Variants in GFRA1 observed in about 807,000 individuals in gnomAD.
GFRA1 encodes the protein GDNF family receptor alpha-1.
A neutral mutation model predicts 51.6 loss-of-function variants in GFRA1; 16 were observed. The observed-to-expected ratio is 0.31, with a 90% confidence interval of 0.21 to 0.47. The LOEUF (loss-of-function observed/expected upper bound fraction) is 0.47. GFRA1 is among the 20% of genes least tolerant of loss of function. The pLI is 1.00. For synonymous variants in GFRA1, 270 were observed against 241.3 expected, an observed-to-expected ratio of 1.12 and a Z score of -1.10; for missense variants, 530 against 594.3, an observed-to-expected ratio of 0.89 and a Z score of 1.13.
chr10:116,206,622 C>T (rs1407704933), intron 5 of GFRA1, among the ~76,000 whole-genome samples: 4 of 84,494 alleles, frequency 4.7e-5, no homozygotes, highest in South Asian at 4.8e-4. Flanking sequence ...ACCACATTCT[C>T]TTTTTTTTTT....
intron 4 of GFRA1, among the ~76,000 whole-genome samples, chr10:116,251,276 G>A (rs1486804619): frequency 2.6e-5 from 4 of 151,580 alleles, no homozygotes; most frequent in African/African-American, 4.9e-5. Context: ...TTGATGGACC[G>A]AAGGAAGAAG....
At chr10:116,108,669 G>A (rs1016713159) in intron 6 of GFRA1, among the ~76,000 whole-genome samples, 3 of 152,226 alleles carry the variant, frequency 2.0e-5, no homozygotes, top group Admixed American at 6.5e-5. Flanking sequence ...ACCCATTCAC[G>A]GTGATCTCAA....
chr10:116,071,443 T>C (rs1002519503), intron 9 of GFRA1, among the ~76,000 whole-genome samples: 1 of 152,252 alleles, frequency 6.6e-6, no homozygotes, highest in Non-Finnish European at 1.5e-5. Flanking sequence ...GCAGTCATAC[T>C]TCCTTATTTG....
intron 5 of GFRA1, among the ~76,000 whole-genome samples, chr10:116,161,444 G>A (rs1476876856): frequency 6.6e-6 from 1 of 152,188 alleles, no homozygotes; most frequent in Non-Finnish European, 1.5e-5. Flanking sequence ...GAAGCTTCTT[G>A]CATCAGAAAG....
chr10:116,099,949 G>T (rs1379130462), intron 6 of GFRA1, among the ~76,000 whole-genome samples: 1 of 152,192 alleles, frequency 6.6e-6, no homozygotes, highest in Non-Finnish European at 1.5e-5. Context: ...TAATTCTGTA[G>T]TCAAGGAAAC....
At chr10:116,116,828 T>TA (rs1173021898) in intron 6 of GFRA1, among the ~76,000 whole-genome samples, 6 of 152,198 alleles carry the variant, frequency 3.9e-5, no homozygotes, top group Non-Finnish European at 7.3e-5. Flanking sequence ...TAAACGATGC[T>TA]AAGAGGCTCT....
intron 6 of GFRA1, 107 bp downstream of exon 6, chr10:116,125,114 C>T (rs1167020762): frequency 1.0e-6 from 1 of 964,762 alleles, no homozygotes; most frequent in Non-Finnish European, 1.6e-6. Flanking sequence ...GGCTCCCCTC[C>T]CTCCTCTACC....
At chr10:116,081,998 A>G (rs767402801) in intron 9 of GFRA1, among the ~76,000 whole-genome samples, 87 of 152,298 alleles carry the variant, frequency 5.7e-4, no homozygotes, top group Non-Finnish European at 3.5e-4. Flanking sequence ...AAATAATAGG[A>G]TCAGTGGAGT....
chr10:116,096,852 T>C (rs1201221061), intron 6 of GFRA1, 88 bp from the exon 7 acceptor site: 11 of 733,390 alleles, frequency 1.5e-5, no homozygotes, highest in African/African-American at 1.2e-4. Flanking sequence ...TATTCCTTTG[T>C]TGATATGCCT....
rs147623245 is a variant in GFRA1 at position 116,070,001 on chromosome 10, G to A, written c.1198-4375C>T. Among the ~76,000 whole-genome samples, 594 of 152,268 alleles carry A rather than the reference G, an allele frequency of 3.9e-3. 6 individuals are homozygous for A. The highest frequency in any genetic ancestry group is 0.014 in the African/African-American group (573 of 41,542). The stretch of plus-strand genomic sequence containing the variant: ...TTTAAGCTCCAGATTTTAGGCAGCC[G>A]TCAGCCAGCAGGGATGGAACATTTC... On this transcript the variant is annotated intron_variant, in intron 9 of 10. Coordinates refer to ENST00000355422, the MANE Select transcript of GFRA1 (RefSeq NM_005264.8).
intron 5 of GFRA1, among the ~76,000 whole-genome samples, chr10:116,128,725 C>CA (rs67642059): frequency 0.06 from 5,276 of 87,496 alleles, 588 homozygotes; most frequent in African/African-American, 0.19. Context: ...GACTCTGTCT[C>CA]AAAAAAAAAA....
chr10:116,103,930 T>C (rs555292465), intron 6 of GFRA1, among the ~76,000 whole-genome samples: 2 of 152,320 alleles, frequency 1.3e-5, no homozygotes, highest in African/African-American at 4.8e-5. Context: ...TCTGGCTTCC[T>C]GGAGCAAAGG....
In GFRA1 at chr10:116,244,461, T is replaced by TTTAATTTAA. The variant is rs1565676218; in HGVS notation, c.418+25041_418+25042insTTAAATTAA. Among the ~76,000 whole-genome samples the TTTAATTTAA allele has an allele frequency of 3.5e-3, 503 of 145,102 alleles. 32 individuals carry two copies. The highest frequency in any genetic ancestry group is 0.012 in the African/African-American group (474 of 38,894). On this transcript the variant is annotated intron_variant, in intron 4 of 10. Transcript: ENST00000355422. ...ATAATTAAAATTTAATTTAATTTAA[T>TTTAATTTAA]TTTAATATATAATAAATTTTAATAA...
chr10:116,097,230 T>C (rs920993598), intron 6 of GFRA1, among the ~76,000 whole-genome samples: 16 of 152,228 alleles, frequency 1.1e-4, no homozygotes, highest in Admixed American at 9.2e-4. Context: ...CTGTAATTCC[T>C]ACTGGCTTTA....
chr10:116,171,255 G>A (rs927638757), intron 5 of GFRA1, among the ~76,000 whole-genome samples: 17 of 152,258 alleles, frequency 1.1e-4, no homozygotes, highest in Non-Finnish European at 1.9e-4. Context: ...ATTTATTTCC[G>A]ACGTAGGTAC....
chr10:116,266,612 G>C (rs1280991497), intron 4 of GFRA1, among the ~76,000 whole-genome samples: 3 of 152,158 alleles, frequency 2.0e-5, no homozygotes, highest in Non-Finnish European at 4.4e-5. Flanking sequence ...TCTGGCTCTG[G>C]CTAATTCATT....
At chr10:116,120,814 A>C (rs1180908671) in intron 6 of GFRA1, among the ~76,000 whole-genome samples, 1 of 152,202 alleles carries the variant, frequency 6.6e-6, no homozygotes, top group East Asian at 1.9e-4. Context: ...AGGATGCAGC[A>C]GCTCTGCTGC....
chr10:116,229,887 G>A (rs377602452), intron 4 of GFRA1, among the ~76,000 whole-genome samples: 6 of 152,156 alleles, frequency 3.9e-5, no homozygotes, highest in African/African-American at 1.2e-4. Context: ...ACAGGCAGTC[G>A]TGTTGGAAAG....
intron 4 of GFRA1, among the ~76,000 whole-genome samples, chr10:116,241,281 T>G (rs1484386083): frequency 6.6e-6 from 1 of 152,220 alleles, no homozygotes; most frequent in African/African-American, 2.4e-5. Context: ...ATGGTCCCCA[T>G]ACTTTCGTCC....
Sources: gnomAD v4.1 joint callset for allele counts (sites outside exome capture counted in the v4.1 genomes callset) on GRCh38, gnomAD v4.1.1 for gene constraint, MANE v1.5 for transcripts, NCBI Gene and HGNC (gene_info 2026-07-23, HGNC 2026-07-21) for gene names.